Variants in TELO2 observed in about 807,000 individuals in gnomAD.
TELO2 encodes the protein telomere maintenance 2.
TELO2 carries 71 observed loss-of-function variants against 91.0 expected under a neutral mutation model. That is an observed-to-expected ratio of 0.78 (90% CI 0.64 to 0.95). TELO2 has a LOEUF of 0.95. Among genes scored for constraint, TELO2 ranks in the 40% least tolerant of loss-of-function variants. TELO2 has a pLI of 0.00. For missense variants in TELO2, 1,183 were observed against 1,141.3 expected, an observed-to-expected ratio of 1.04 and a Z score of -0.53; for synonymous variants, 584 against 518.9, an observed-to-expected ratio of 1.13 and a Z score of -1.71.
In TELO2 at chr16:1,500,753, C is replaced by A. The variant is rs531328756; in HGVS notation, c.1281+54C>A. On this transcript the variant is annotated intron_variant, in intron 9 of 20. Coordinates refer to ENST00000262319, the MANE Select transcript of TELO2 (RefSeq NM_016111.4). ...GTGTGGCTGGCCCGGGTCTCCCGAG[C>A]GGCTGCCTCTCCAGCCCCAGGGTCA... is the stretch of plus-strand genomic sequence containing the variant. 43 of 1,589,246 alleles carry A rather than the reference C, an allele frequency of 2.7e-5. No individual in the cohort carries two copies. The Middle Eastern group carries it at 1.1e-3, about 40-fold the overall frequency.
chr16:1,506,119 C>G, intron 16 of TELO2, 119 bp from the exon 17 acceptor site: 1 of 1,122,362 alleles, frequency 8.9e-7, no homozygotes, highest in Non-Finnish European at 1.3e-6. Context: ...GGAAGAGTAG[C>G]CCGGGGAGGC....
rs1485622165 is a variant in TELO2, at chr16:1,505,205, G to GTGCCCACCT, written c.1843-203_1843-195dup. On this transcript the variant is annotated intron_variant, in intron 15 of 20. Coordinates refer to ENST00000262319, the MANE Select transcript of TELO2 (RefSeq NM_016111.4). This position sits in a 1 kb window ranked among gnomAD's most constrained non-coding sequence, Gnocchi z 4.3. Reference sequence around the variant, plus strand: ...GCGTGTTCTCATCTCCTGGAGCACGGTGCCCACCTTCCCCACCTTCCCGCC... The same window carrying GTGCCCACCT: ...GCGTGTTCTCATCTCCTGGAGCACGGTGCCCACCTTGCCCACCTTCCCCACCTTCCCGCC... 5 of 592,800 alleles carry GTGCCCACCT rather than the reference G, an allele frequency of 8.4e-6. No individual in the cohort carries two copies. The highest frequency in any genetic ancestry group is 1.5e-5 in the Non-Finnish European group (5 of 341,030). 36.7% of individuals were successfully genotyped at this position (592,800 alleles called of 1,614,324 possible).
rs147975571 is a variant in TELO2, at chr16:1,495,571, G to A, written c.561G>A (p.Leu187=). The part of the protein sequence containing the change: ...AEFFPQNYFR[L]LGEEVVRVLQ... ...TCTTCCCCCAGAACTACTTCCGCCTGCTCGGCGAGGAGGTCGTCCGGGTGC... is the reference window on the plus strand; with the variant it reads ...TCTTCCCCCAGAACTACTTCCGCCTACTCGGCGAGGAGGTCGTCCGGGTGC... Residue 187 remains leucine, a synonymous_variant, in exon 3 of 21, where the codon CTG becomes CTA. Coordinates refer to ENST00000262319, the MANE Select transcript of TELO2 (RefSeq NM_016111.4). 1.2e-6 allele frequency: 2 copies of A among 1,609,982 alleles called. No homozygotes were observed. The highest frequency in any genetic ancestry group is 8.5e-7 in the Non-Finnish European group (1 of 1,178,048).
At chr16:1,504,094 C>A (rs1188007629) in intron 15 of TELO2, among the ~76,000 whole-genome samples, 7 of 142,126 alleles carry the variant, frequency 4.9e-5, no homozygotes, top group African/African-American at 1.6e-4. Context: ...CACTGCCCTG[C>A]AGCCTGGGCA....
intron 19 of TELO2, 35 bp downstream of exon 19, chr16:1,507,405 T>C (rs749834217): frequency 2.5e-6 from 4 of 1,605,790 alleles, no homozygotes; most frequent in Non-Finnish European, 2.5e-6. Context: ...AGGCCAGGGG[T>C]GCAGGCAGAC....
intron 17 of TELO2, chr16:1,506,715 G>A (rs933740500): frequency 1.4e-6 from 2 of 1,389,134 alleles, no homozygotes; most frequent in African/African-American, 1.5e-5. Flanking sequence ...TTGTGCTGCA[G>A]CAGGGGTGGG....
intron 5 of TELO2, among the ~76,000 whole-genome samples, chr16:1,498,175 C>T (rs539766854): frequency 7.9e-5 from 12 of 152,112 alleles, no homozygotes; most frequent in African/African-American, 2.2e-4. Context: ...CCACCACACC[C>T]GGCTAATTTT....
Position 1,497,381 on chromosome 16 carries a change from G to T in TELO2, c.703G>T (p.Val235Leu). 6.5e-7 allele frequency: 1 copy of T among 1,548,844 alleles called. No individual in the cohort carries two copies. Among genetic ancestry groups the T allele is most frequent in the Non-Finnish European group, 8.7e-7 (1 of 1,146,414 alleles). Residue 235 changes from valine to leucine, a missense_variant, in exon 5 of 21, where the codon GTA becomes TTA. By Grantham distance (32) the Val-to-Leu change is conservative. Coordinates refer to ENST00000262319, the MANE Select transcript of TELO2 (RefSeq NM_016111.4). The surrounding 1 kb of genome is among the most constrained non-coding windows in gnomAD (Gnocchi z 4.0). ...CTCAGAGGAGATCCTGGGCGTGCTG[G>T]TACCCCGGCTGGCAGCGCTCACCCA... ...GRQQEILGVL[V>L]PRLAALTQGS...
chr16:1,506,650 G>A, intron 17 of TELO2: 1 of 1,376,032 alleles, frequency 7.3e-7, no homozygotes, highest in East Asian at 2.9e-5. Flanking sequence ...CGCTGCACTG[G>A]CCCCACGTTC....
chr16:1,496,994 C>T, intron 3 of TELO2, 42 bp from the exon 4 acceptor site: 2 of 1,601,734 alleles, frequency 1.2e-6, no homozygotes, highest in Non-Finnish European at 1.7e-6. Flanking sequence ...TCTTTTGTGC[C>T]TTCCCGCCGG....
At chr16:1,496,391 C>A (rs757838847) in intron 3 of TELO2, among the ~76,000 whole-genome samples, 70 of 152,350 alleles carry the variant, frequency 4.6e-4, no homozygotes, top group Middle Eastern at 3.4e-3. Context: ...ACCTCCTGAG[C>A]CCCTCCTGTC....
chr16:1,496,955 C>A (rs561152435), intron 3 of TELO2, 81 bp from the exon 4 acceptor site: 2 of 1,428,148 alleles, frequency 1.4e-6, no homozygotes, highest in Non-Finnish European at 1.9e-6. Context: ...TCCGCCTGAC[C>A]GAGAGCAGCT....
chr16:1,498,248 C>T (rs1466738044), intron 5 of TELO2, among the ~76,000 whole-genome samples: 1 of 152,182 alleles, frequency 6.6e-6, no homozygotes, highest in Non-Finnish European at 1.5e-5. Flanking sequence ...CTCCTGGCCT[C>T]AAGCAATCCA....
At chr16:1,496,280 G>C (rs960553766) in intron 3 of TELO2, among the ~76,000 whole-genome samples, 1 of 152,184 alleles carries the variant, frequency 6.6e-6, no homozygotes, top group Non-Finnish European at 1.5e-5. Flanking sequence ...GGAGCAGCTC[G>C]GCGCCCCCTC....
Position 1,510,120 on chromosome 16 carries a change from ACACTGGGCCTGGG to A in TELO2, c.*190_*202del, listed in dbSNP as rs1458178025. The A allele has an allele frequency of 2.7e-5, 16 of 599,960 alleles. No homozygotes were observed. The African/African-American group carries it at 3.0e-4, about 11-fold the overall frequency. 37.2% of individuals were successfully genotyped at this position (599,960 alleles called of 1,614,324 possible). Reference sequence around the variant, plus strand: ...ATAGTGCAGCCAGTCCGCTAAAAATACACTGGGCCTGGGCACTGCCCGCCGGGACATGGCAGCC... The same window carrying A: ...ATAGTGCAGCCAGTCCGCTAAAAATACACTGCCCGCCGGGACATGGCAGCC... On this transcript the variant is annotated 3_prime_UTR_variant, in exon 21 of 21. Coordinates refer to ENST00000262319, the MANE Select transcript of TELO2 (RefSeq NM_016111.4).
At chr16:1,495,094 G>T (rs1344608132) in intron 2 of TELO2, among the ~76,000 whole-genome samples, 1 of 152,240 alleles carries the variant, frequency 6.6e-6, no homozygotes, top group Non-Finnish European at 1.5e-5. Context: ...ATCCGCGTCA[G>T]CAGCAGGGGA....
rs1276709549 is a variant in TELO2, at chr16:1,493,662, C to T, written c.-37+57C>T. 6.6e-6 allele frequency: 1 copy of T among 152,406 alleles called. No individual in the cohort carries two copies. Among genetic ancestry groups the T allele is most frequent in the Non-Finnish European group, 1.5e-5 (1 of 68,338 alleles). 9.4% of individuals were successfully genotyped at this position (152,406 alleles called of 1,614,324 possible). A position where few individuals can be genotyped will look rare whatever the true frequency, so the allele number is the denominator to read the frequency against. On this transcript the variant is annotated intron_variant, in intron 1 of 20. Coordinates refer to ENST00000262319, the MANE Select transcript of TELO2 (RefSeq NM_016111.4). The surrounding 1 kb of genome is among the most constrained non-coding windows in gnomAD (Gnocchi z 4.3). The stretch of plus-strand genomic sequence containing the variant: ...GGGTCCGGTTGGGTCGGGTTGGGCT[C>T]CAGGTCTGGTTGGGTCGGGTCCAGG...
At position 1,499,217 on chromosome 16, in the gene TELO2, A is replaced by G; in HGVS notation, c.831-14A>G. 1 of 1,613,558 alleles carries G rather than the reference A, an allele frequency of 6.2e-7. No individual in the cohort carries two copies. The highest frequency in any genetic ancestry group is 8.5e-7 in the Non-Finnish European group (1 of 1,179,862). On this transcript the variant is annotated splice_polypyrimidine_tract_variant and intron_variant, in intron 5 of 20. Transcript: ENST00000262319. Reference sequence around the variant, plus strand: ...GGCCGGCTTGCAGCTCTGGCCCCTGACTCTGTCTTGCAGGCCTGAGGTCCT... The same window carrying G: ...GGCCGGCTTGCAGCTCTGGCCCCTGGCTCTGTCTTGCAGGCCTGAGGTCCT...
In TELO2 at chr16:1,497,299, A is replaced by G. The variant is rs2039525342; in HGVS notation, c.683-62A>G. ...GTGGGACTGTCCTTGCTGGACCCAC[A>G]CAGCCCCAGACACCAGGTGGGTGCA... On this transcript the variant is annotated intron_variant, in intron 4 of 20. Coordinates refer to ENST00000262319, the MANE Select transcript of TELO2 (RefSeq NM_016111.4). This position sits in a 1 kb window ranked among gnomAD's most constrained non-coding sequence, Gnocchi z 4.0. The G allele has an allele frequency of 1.3e-6, 2 of 1,499,508 alleles. No homozygotes were observed. The highest frequency in any genetic ancestry group is 1.3e-5 in the South Asian group (1 of 76,512). 92.9% of individuals were successfully genotyped at this position (1,499,508 alleles called of 1,614,324 possible).
Sources: gnomAD v4.1 joint callset for allele counts (sites outside exome capture counted in the v4.1 genomes callset) on GRCh38, gnomAD v4.1.1 for gene constraint, Gnocchi (gnomAD v3.1) non-coding constraint, MANE v1.5 for transcripts, NCBI Gene and HGNC (gene_info 2026-07-23, HGNC 2026-07-21) for gene names.